The following GSG1L variants were observed in gnomAD, a reference collection of about 807,000 sequenced individuals.
GSG1L encodes the protein GSG1 like, also known as germ cell-specific gene 1-like protein.
In GSG1L, 24 loss-of-function variants were observed where a neutral mutation model predicts 42.1. That is an observed-to-expected ratio of 0.57 (90% CI 0.41 to 0.80). The LOEUF (loss-of-function observed/expected upper bound fraction) is 0.80, where lower values mean the gene tolerates loss of function less well. GSG1L is among the 30% of genes least tolerant of loss of function. GSG1L has a pLI of 0.00. For synonymous variants in GSG1L, 215 were observed against 203.5 expected (o/e 1.06, Z -0.48); for missense variants, 445 against 472.2 (o/e 0.94, Z 0.53).
At chr16:27,865,558 T>TAC (rs2083708259) in intron 3 of GSG1L, among the ~76,000 whole-genome samples, 1 of 22,702 alleles carries the variant, frequency 4.4e-5, no homozygotes, top group African/African-American at 3.3e-4. Flanking sequence ...TATATATATA[T>TAC]ATATATATAT....
intron 5 of GSG1L, among the ~76,000 whole-genome samples, chr16:27,816,687 G>A (rs4787994): frequency 0.31 from 47,075 of 152,064 alleles, 8,399 homozygotes; most frequent in African/African-American, 0.48. Context: ...ACTGAATGTG[G>A]AGCTGGGAGG....
rs1427568614 is a variant in GSG1L, at chr16:27,872,074, G to T, written c.550+12412C>A. 2.0e-5 allele frequency among the ~76,000 whole-genome samples: 3 copies of T among 152,198 alleles called. No homozygotes were observed. In the East Asian group the frequency reaches 5.8e-4, roughly 29 times the overall value. On this transcript the variant is annotated intron_variant, in intron 3 of 6. Coordinates refer to ENST00000447459, the MANE Select transcript of GSG1L (RefSeq NM_001109763.2). ...TTAAAAATCAGGAGTTAAGAAAACA[G>T]ATTTTGGCCTTCCTCGAATGCCATG...
At chr16:27,985,841 AC>A (rs1371784706) in intron 1 of GSG1L, among the ~76,000 whole-genome samples, 3 of 152,192 alleles carry the variant, frequency 2.0e-5, no homozygotes, top group Non-Finnish European at 4.4e-5. Context: ...CTCAAAAAAA[AC>A]ATTACCCAGT....
At chr16:27,803,786 TATATATATAGATAGATAG>T (rs1353295053) in intron 6 of GSG1L, among the ~76,000 whole-genome samples, 5 of 82,284 alleles carry the variant, frequency 6.1e-5, no homozygotes, top group African/African-American at 2.1e-4. Context: ...TATATATATA[TATATATATAGATAGATAG>T]ATATAGATAT....
rs746146565 is a variant in GSG1L at position 28,063,202 on chromosome 16, TGGCGGC to T, written c.217_222del (p.Ala73_Ala74del). 7 of 1,281,824 alleles carry T rather than the reference TGGCGGC, an allele frequency of 5.5e-6. No individual in the cohort carries two copies. The highest frequency in any genetic ancestry group is 4.8e-5 in the South Asian group (2 of 41,680). The allele number at this position is 1,281,824 out of a possible 1,614,324, so 79.4% of individuals were successfully genotyped here. A position where few individuals can be genotyped will look rare whatever the true frequency, so the allele number is the denominator to read the frequency against. On this transcript the variant is annotated inframe_deletion, in exon 1 of 7. Transcript: ENST00000447459. This position sits in a 1 kb window ranked among gnomAD's most constrained non-coding sequence, Gnocchi z 5.8. ...CCAGGGGGGCCGTTCCCCGAGGCGG[TGGCGGC>T]GGCGGCGGCGGCGGCGGGGGCGGCG...
chr16:28,052,720 T>TCTGCAGATTG lies in GSG1L; in HGVS notation c.349+10346_349+10355dup, dbSNP rs1464540459. On this transcript the variant is annotated intron_variant, in intron 1 of 6. Transcript: ENST00000447459. Reference sequence around the variant, plus strand: ...CTAGGGTTGTCTGCAACCTCCCACATCTGCAGATTGCTGCAGATAGCTGCA... The same window carrying TCTGCAGATTG: ...CTAGGGTTGTCTGCAACCTCCCACATCTGCAGATTGCTGCAGATTGCTGCAGATAGCTGCA... Among the ~76,000 whole-genome samples, 3 of 152,300 alleles carry TCTGCAGATTG rather than the reference T, an allele frequency of 2.0e-5. No individual in the cohort carries two copies. In the South Asian group the frequency reaches 6.2e-4, roughly 32 times the overall value.
intron 3 of GSG1L, among the ~76,000 whole-genome samples, chr16:27,878,009 C>T (rs1596578340): frequency 6.6e-6 from 1 of 152,094 alleles, no homozygotes; most frequent in Non-Finnish European, 1.5e-5. Flanking sequence ...GAGATTAACA[C>T]ATGTGGCAGG....
At chr16:27,955,338 A>G (rs1461966613) in intron 2 of GSG1L, among the ~76,000 whole-genome samples, 2 of 152,114 alleles carry the variant, frequency 1.3e-5, no homozygotes, top group African/African-American at 4.8e-5. Context: ...TTAAAAGTAG[A>G]CTGGCTGATT....
At chr16:27,844,922 G>T in intron 4 of GSG1L, 28 bp downstream of exon 4, 1 of 1,412,832 alleles carries the variant, frequency 7.1e-7, no homozygotes, top group Non-Finnish European at 9.8e-7. Flanking sequence ...GGTGCCTGAA[G>T]CTGCTCTTGT....
Position 28,052,665 on chromosome 16 carries a change from T to C in GSG1L, c.349+10411A>G, listed in dbSNP as rs572172015. Among the ~76,000 whole-genome samples the C allele has an allele frequency of 1.1e-4, 16 of 152,304 alleles. No homozygotes were observed. In the South Asian group the frequency reaches 3.3e-3, roughly 32 times the overall value. ...GAAGTAGAGCCCCCCACTGACCTGC[T>C]ATGGACATGTCACGGGAGTAAGAAG... On this transcript the variant is annotated intron_variant, in intron 1 of 6. Transcript: ENST00000447459.
chr16:27,828,366 T>C (rs1468007924), intron 5 of GSG1L, among the ~76,000 whole-genome samples: 1 of 152,198 alleles, frequency 6.6e-6, no homozygotes, highest in African/African-American at 2.4e-5. Flanking sequence ...TTACATGTAG[T>C]TCCCAACATT....
chr16:27,794,130 T>C (rs1237909224), intron 6 of GSG1L, among the ~76,000 whole-genome samples: 1 of 152,196 alleles, frequency 6.6e-6, no homozygotes, highest in Non-Finnish European at 1.5e-5. Context: ...TCCTCTTGCC[T>C]CAGTCTTCTG....
intron 5 of GSG1L, among the ~76,000 whole-genome samples, chr16:27,819,681 G>A (rs536218706): frequency 1.1e-4 from 16 of 152,296 alleles, no homozygotes; most frequent in African/African-American, 3.9e-4. Flanking sequence ...CTGCATGCAG[G>A]GCAAGGGGCC....
intron 2 of GSG1L, among the ~76,000 whole-genome samples, chr16:27,888,489 T>C (rs1327174626): frequency 0.049 from 299 of 6,144 alleles, 6 homozygotes; most frequent in South Asian, 0.075. Context: ...TTTCCTTTCT[T>C]TCTTTCTTTC....
chr16:27,886,854 A>T (rs894493053), intron 2 of GSG1L, among the ~76,000 whole-genome samples: 1 of 152,216 alleles, frequency 6.6e-6, no homozygotes, highest in Non-Finnish European at 1.5e-5. Context: ...ACATGGACCC[A>T]TGACCCAAGT....
chr16:27,950,488 T>C (rs956783756), intron 2 of GSG1L, among the ~76,000 whole-genome samples: 4 of 152,082 alleles, frequency 2.6e-5, no homozygotes, highest in South Asian at 2.1e-4. Flanking sequence ...ATTAGAGGAA[T>C]CCAGAAATTC....
At chr16:27,932,717 C>T (rs1261882717) in intron 2 of GSG1L, among the ~76,000 whole-genome samples, 1 of 152,110 alleles carries the variant, frequency 6.6e-6, no homozygotes, top group East Asian at 1.9e-4. Context: ...TAACTTTGGG[C>T]CTGAACATGT....
At chr16:27,948,908 C>CTATTATTATTATTATTATTAT (rs372937677) in intron 2 of GSG1L, among the ~76,000 whole-genome samples, 5,509 of 141,282 alleles carry the variant, frequency 0.039, 148 homozygotes, top group Non-Finnish European at 0.042. Context: ...CGCACCTGAT[C>CTATTATTATTATTATTATTAT]TATTATTATT....
chr16:28,050,462 A>T (rs540037203), intron 1 of GSG1L, among the ~76,000 whole-genome samples: 5 of 152,328 alleles, frequency 3.3e-5, no homozygotes, highest in African/African-American at 1.2e-4. Context: ...CACTGCACCC[A>T]GGTAGGAGGA....
Sources: allele counts gnomAD v4.1 joint callset (sites outside exome capture counted in the v4.1 genomes callset), GRCh38; gene constraint gnomAD v4.1.1; non-coding constraint Gnocchi (gnomAD v3.1); transcripts MANE v1.5; gene names NCBI Gene and HGNC (gene_info 2026-07-23, HGNC 2026-07-21).